Variants in KCNU1 observed in about 807,000 individuals in gnomAD.
The protein encoded by KCNU1 is potassium channel subfamily U member 1.
KCNU1 carries 93 observed loss-of-function variants against 126.8 expected under a neutral mutation model. The observed-to-expected ratio is 0.73, with a 90% CI of 0.62 to 0.87. The LOEUF (loss-of-function observed/expected upper bound fraction) is 0.87, where lower values mean the gene tolerates loss of function less well. KCNU1 is among the 40% of genes least tolerant of loss of function. The probability of loss-of-function intolerance (pLI) is 0.00; values close to 1 mark genes in which losing one functional copy is unlikely to be tolerated. For missense variants in KCNU1, 1,330 were observed against 1,367.1 expected, an observed-to-expected ratio of 0.97 and a Z score of 0.43; for synonymous variants, 523 against 494.2, an observed-to-expected ratio of 1.06 and a Z score of -0.77.
Position 36,816,083 on chromosome 8 carries a change from C to T in KCNU1, c.995+396C>T, listed in dbSNP as rs181031798. 1.4e-4 allele frequency among the ~76,000 whole-genome samples: 21 copies of T among 148,018 alleles called. No individual in the cohort carries two copies. The East Asian group carries it at 2.8e-3, about 20-fold the overall frequency. ...CTTTACATAATGGATCGGATTAAAG[C>T]CATGATTCCAATTTAAAATAATTTA... On this transcript the variant is annotated intron_variant, in intron 9 of 26. Coordinates refer to ENST00000399881, the MANE Select transcript of KCNU1 (RefSeq NM_001031836.3).
At chr8:36,840,112 A>C (rs1804896028) in intron 14 of KCNU1, among the ~76,000 whole-genome samples, 1 of 152,216 alleles carries the variant, frequency 6.6e-6, no homozygotes, top group East Asian at 1.9e-4. Context: ...AGAGAGAGAT[A>C]ATTTAGATTC....
At position 36,828,061 on chromosome 8, in the gene KCNU1, ACAGT is replaced by A. The variant is rs556322438; in HGVS notation, c.1107-5490_1107-5487del. Among the ~76,000 whole-genome samples the A allele has an allele frequency of 2.4e-4, 36 of 152,230 alleles. 2 individuals are homozygous for A. In the South Asian group the frequency reaches 5.8e-3, roughly 25 times the overall value. ...ATATTTAAAAGTTTTTAATATTATC[ACAGT>A]CAAAGATTCAATATTTTCTATTATA... On this transcript the variant is annotated intron_variant, in intron 10 of 26. Transcript: ENST00000399881.
intron 14 of KCNU1, 96 bp from the exon 15 acceptor site, chr8:36,840,367 G>GT: frequency 1.5e-6 from 1 of 647,206 alleles, no homozygotes; most frequent in African/African-American, 1.8e-5. Context: ...TACATGCAAT[G>GT]AAGACTTGTT....
rs1802643696 is a variant in KCNU1, at chr8:36,784,519, A to C, written c.109A>C (p.Ser37Arg). 1.2e-6 allele frequency: 2 copies of C among 1,613,904 alleles called. No homozygotes were observed. Among genetic ancestry groups the C allele is most frequent in the Non-Finnish European group, 8.5e-7 (1 of 1,179,788 alleles). ...FILSSFVTFFSGLIILLIFRL... is the reference protein window; with the variant it reads ...FILSSFVTFFRGLIILLIFRL... Reference sequence around the variant, plus strand: ...TCTCTCTTCCTTTGTGACCTTCTTCAGTGGACTCATCATCCTGTTGATCTT... The same window carrying C: ...TCTCTCTTCCTTTGTGACCTTCTTCCGTGGACTCATCATCCTGTTGATCTT... The change falls in exon 1 of 27, where the codon AGT becomes CGT. Residue 37 changes from serine (S) to arginine (R), a missense_variant. Physicochemically the swap from Ser to Arg is moderately radical, Grantham distance 110. Transcript: ENST00000399881.
chr8:36,862,779 T>C (rs1052696707), intron 18 of KCNU1, among the ~76,000 whole-genome samples: 1 of 152,110 alleles, frequency 6.6e-6, no homozygotes, highest in Non-Finnish European at 1.5e-5. Context: ...GCTGGAGAGT[T>C]AGGCTTTGAG....
At chr8:36,879,468 A>G (rs968560608) in intron 19 of KCNU1, among the ~76,000 whole-genome samples, 8 of 152,032 alleles carry the variant, frequency 5.3e-5, no homozygotes, top group African/African-American at 1.4e-4. Flanking sequence ...AAATTAATGC[A>G]GAGCATATTT....
rs186730984 is a variant in KCNU1, at chr8:36,828,392, C to G, written c.1107-5162C>G. Among the ~76,000 whole-genome samples the G allele has an allele frequency of 1.1e-3, 169 of 152,188 alleles. 2 individuals carry two copies. Among genetic ancestry groups the G allele is most frequent in the African/African-American group, 4.0e-3 (166 of 41,562 alleles). ...TGTATAATCCTCCCCATATTTCAACCTATGGTCAATTTTTTAAATATCACT... is the reference window on the plus strand; with the variant it reads ...TGTATAATCCTCCCCATATTTCAACGTATGGTCAATTTTTTAAATATCACT... On this transcript the variant is annotated intron_variant, in intron 10 of 26. Transcript: ENST00000399881.
intron 10 of KCNU1, among the ~76,000 whole-genome samples, chr8:36,823,429 A>G (rs963485434): frequency 3.3e-5 from 5 of 152,120 alleles, no homozygotes; most frequent in African/African-American, 1.2e-4. Flanking sequence ...AGAATTGTTC[A>G]ACACTCTGCA....
At chr8:36,805,750 G>A (rs1456093958) in intron 4 of KCNU1, among the ~76,000 whole-genome samples, 1 of 152,068 alleles carries the variant, frequency 6.6e-6, no homozygotes, top group Non-Finnish European at 1.5e-5. Context: ...TCTAGATCTA[G>A]ATTTCAATCT....
At chr8:36,787,734 A>G (rs1270986888) in intron 2 of KCNU1, among the ~76,000 whole-genome samples, 1 of 147,914 alleles carries the variant, frequency 6.8e-6, no homozygotes, top group Non-Finnish European at 1.5e-5. Context: ...TGTATAATAC[A>G]TTATCCGTAA....
intron 19 of KCNU1, among the ~76,000 whole-genome samples, chr8:36,870,919 G>A (rs1032188502): frequency 2.6e-5 from 4 of 152,138 alleles, no homozygotes; most frequent in African/African-American, 9.6e-5. Context: ...AGTCCCATTG[G>A]CACTTATGTT....
At chr8:36,841,327 T>C (rs1373544427) in intron 16 of KCNU1, among the ~76,000 whole-genome samples, 1 of 152,150 alleles carries the variant, frequency 6.6e-6, no homozygotes, top group Non-Finnish European at 1.5e-5. Flanking sequence ...TACCAGATCT[T>C]GACCATGAAA....
chr8:36,915,693 G>T (rs1033016861), intron 22 of KCNU1, among the ~76,000 whole-genome samples: 12 of 152,136 alleles, frequency 7.9e-5, no homozygotes, highest in African/African-American at 2.9e-4. Context: ...CAACCCTTCT[G>T]CCAGGATGAC....
At chr8:36,922,422 C>T in intron 23 of KCNU1, 68 bp from the exon 24 acceptor site, 1 of 1,524,552 alleles carries the variant, frequency 6.6e-7, no homozygotes, top group Non-Finnish European at 8.9e-7. Context: ...CCTTGGCCTG[C>T]ATGGATGGCA....
intron 9 of KCNU1, among the ~76,000 whole-genome samples, chr8:36,817,038 A>C (rs1434047861): frequency 6.6e-6 from 1 of 152,206 alleles, no homozygotes; most frequent in Non-Finnish European, 1.5e-5. Context: ...GTTATAAATA[A>C]ATGTGAAAAA....
rs563652779 is a variant in KCNU1, at chr8:36,830,066, A to G, written c.1107-3488A>G. Among the ~76,000 whole-genome samples the G allele has an allele frequency of 1.4e-3, 215 of 149,530 alleles. 1 individual carries two copies. Among genetic ancestry groups the G allele is most frequent in the Middle Eastern group, 0.012 (3 of 248 alleles). ...TGTAGTTATAATTATTTACATTAAA[A>G]CAATTTATCTTTATTTTATCTTTGT... On this transcript the variant is annotated intron_variant, in intron 10 of 26. Coordinates refer to ENST00000399881, the MANE Select transcript of KCNU1 (RefSeq NM_001031836.3).
At chr8:36,828,728 A>G (rs1804416364) in intron 10 of KCNU1, among the ~76,000 whole-genome samples, 2 of 152,052 alleles carry the variant, frequency 1.3e-5, no homozygotes, top group Non-Finnish European at 2.9e-5. Flanking sequence ...CTCCTGGTGG[A>G]CACATGAAAT....
chr8:36,810,307 C>T (rs1803665683), intron 7 of KCNU1, among the ~76,000 whole-genome samples: 1 of 151,916 alleles, frequency 6.6e-6, no homozygotes, highest in Admixed American at 6.6e-5. Flanking sequence ...AGCAGGTGCT[C>T]TTGGGTTTAA....
intron 19 of KCNU1, among the ~76,000 whole-genome samples, chr8:36,881,256 G>T (rs1250183643): frequency 6.6e-6 from 1 of 152,130 alleles, no homozygotes; most frequent in Non-Finnish European, 1.5e-5. Flanking sequence ...GTTTGTTTTT[G>T]TTTTTGAGAC....
Sources: allele counts gnomAD v4.1 joint callset (sites outside exome capture counted in the v4.1 genomes callset), GRCh38; gene constraint gnomAD v4.1.1; transcripts MANE v1.5; gene names NCBI Gene and HGNC (gene_info 2026-07-23, HGNC 2026-07-21).